GPR149: variants seen among roughly 807,000 people sequenced by gnomAD.
GPR149 encodes the protein G protein-coupled receptor 149, also known as probable G protein-coupled receptor 149.
Under a neutral mutation model 50.2 loss-of-function variants are expected in GPR149, and 50 were observed. The observed-to-expected ratio is 1.00, with a 90% CI of 0.79 to 1.26. GPR149 has a LOEUF of 1.26. GPR149 is among the 50% of genes most tolerant of loss of function. The pLI is 0.00. For synonymous variants in GPR149, 405 were observed against 358.2 expected, an observed-to-expected ratio of 1.13 and a Z score of -1.48; for missense variants, 983 against 895.4, an observed-to-expected ratio of 1.10 and a Z score of -1.25.
At chr3:154,425,739 G>T (rs186242029) in intron 2 of GPR149, among the ~76,000 whole-genome samples, 1 of 151,992 alleles carries the variant, frequency 6.6e-6, no homozygotes, top group Admixed American at 6.6e-5. Flanking sequence ...TTTTGATCTC[G>T]AAAGACATAT....
At chr3:154,347,688 A>G (rs2108387063) in intron 3 of GPR149, among the ~76,000 whole-genome samples, 1 of 152,378 alleles carries the variant, frequency 6.6e-6, no homozygotes, top group Non-Finnish European at 1.5e-5. Flanking sequence ...TGCCCAGGTA[A>G]TATAGGAAGG....
intron 3 of GPR149, among the ~76,000 whole-genome samples, chr3:154,411,935 A>G (rs1269501788): frequency 6.6e-6 from 1 of 152,140 alleles, no homozygotes; most frequent in Non-Finnish European, 1.5e-5. Context: ...GTGAACATAG[A>G]TGCAAAAATC....
intron 2 of GPR149, among the ~76,000 whole-genome samples, chr3:154,423,935 G>T (rs574909536): frequency 8.2e-4 from 125 of 151,842 alleles, no homozygotes; most frequent in African/African-American, 2.8e-3. Flanking sequence ...TGCCATGTTG[G>T]TGTGCTGCAC....
chr3:154,354,188 CTT>C, intron 3 of GPR149: 5 of 494,612 alleles, frequency 1.0e-5, no homozygotes, highest in South Asian at 4.8e-5. Flanking sequence ...AACATTTTCT[CTT>C]GTTTTTGATT....
rs1439597012 is a variant in GPR149 at position 154,374,127 on chromosome 3, C to A, written c.1624-35856G>T. Among the ~76,000 whole-genome samples, 6 of 135,634 alleles carry A rather than the reference C, an allele frequency of 4.4e-5. No individual in the cohort carries two copies. The East Asian group carries it at 1.3e-3, about 30-fold the overall frequency. 89.0% of individuals were successfully genotyped at this position (135,634 alleles called of 152,430 possible). ...TATATCTGAAGTGACCAACAAAAGT[C>A]TTTTTTTCCTTCTATTTTCTTTCTT... On this transcript the variant is annotated intron_variant, in intron 3 of 3. Coordinates refer to ENST00000389740, the MANE Select transcript of GPR149 (RefSeq NM_001038705.3).
intron 3 of GPR149, among the ~76,000 whole-genome samples, chr3:154,410,727 G>A (rs1711810801): frequency 1.3e-5 from 2 of 152,004 alleles, no homozygotes; most frequent in Non-Finnish European, 2.9e-5. Context: ...GAGATAGATG[G>A]CAGCACAATA....
intron 3 of GPR149, among the ~76,000 whole-genome samples, chr3:154,358,410 C>CT (rs1316017008): frequency 2.0e-5 from 3 of 152,148 alleles, no homozygotes; most frequent in African/African-American, 7.2e-5. Context: ...AATGAAATCA[C>CT]TTTTTTTCCT....
intron 3 of GPR149, chr3:154,352,092 G>T: frequency 1.7e-6 from 1 of 579,018 alleles, no homozygotes; most frequent in Non-Finnish European, 2.8e-6. Flanking sequence ...ACATAATTAG[G>T]CACAAATAGG....
chr3:154,414,515 A>G (rs1711932743), intron 3 of GPR149, among the ~76,000 whole-genome samples: 1 of 152,014 alleles, frequency 6.6e-6, no homozygotes, highest in African/African-American at 2.4e-5. Flanking sequence ...GATATGAAGC[A>G]TAATATCTTC....
intron 3 of GPR149, among the ~76,000 whole-genome samples, chr3:154,404,219 C>T (rs1711616440): frequency 6.6e-6 from 1 of 152,070 alleles, no homozygotes; most frequent in Non-Finnish European, 1.5e-5. Flanking sequence ...TTAATTGGAG[C>T]TATTTGTGTG....
chr3:154,361,112 C>G (rs1023046649), intron 3 of GPR149, among the ~76,000 whole-genome samples: 18 of 152,220 alleles, frequency 1.2e-4, no homozygotes, highest in South Asian at 6.2e-4. Flanking sequence ...TCCCACACAG[C>G]AGATACTAAA....
intron 3 of GPR149, among the ~76,000 whole-genome samples, chr3:154,358,138 TG>T (rs1714285772): frequency 6.9e-6 from 1 of 144,908 alleles, no homozygotes; most frequent in African/African-American, 2.6e-5. Flanking sequence ...TGGGGCCTGT[TG>T]TGGGGTGGGG....
At chr3:154,360,300 G>A (rs546172849) in intron 3 of GPR149, among the ~76,000 whole-genome samples, 1 of 152,202 alleles carries the variant, frequency 6.6e-6, no homozygotes, top group South Asian at 2.1e-4. Context: ...TTTCACCATG[G>A]TAACATTTTT....
At chr3:154,365,950 C>T (rs1714522045) in intron 3 of GPR149, among the ~76,000 whole-genome samples, 1 of 152,194 alleles carries the variant, frequency 6.6e-6, no homozygotes, top group South Asian at 2.1e-4. Flanking sequence ...TCACAGCAAT[C>T]TAGGCTTTTT....
At chr3:154,426,175 A>C (rs1490763977) in intron 2 of GPR149, among the ~76,000 whole-genome samples, 1 of 152,220 alleles carries the variant, frequency 6.6e-6, no homozygotes, top group Non-Finnish European at 1.5e-5. Context: ...CTTTAGAGAC[A>C]CATCATTATT....
chr3:154,419,463 G>A (rs1712078827), intron 3 of GPR149, among the ~76,000 whole-genome samples: 1 of 151,940 alleles, frequency 6.6e-6, no homozygotes, highest in African/African-American at 2.4e-5. Flanking sequence ...ATTGAGCTTA[G>A]TCATGTTAAA....
chr3:154,395,103 A>G (rs963754488), intron 3 of GPR149, among the ~76,000 whole-genome samples: 1 of 152,156 alleles, frequency 6.6e-6, no homozygotes, highest in African/African-American at 2.4e-5. Context: ...AAATATCAGA[A>G]GATTTTAGAA....
At position 154,390,199 on chromosome 3, in the gene GPR149, A is replaced by G. The variant is rs577547190; in HGVS notation, c.1623+30840T>C. Among the ~76,000 whole-genome samples, 57 of 152,312 alleles carry G rather than the reference A, an allele frequency of 3.7e-4. No individual in the cohort carries two copies. The South Asian group carries it at 0.011, about 29-fold the overall frequency. ...TAAACACAAAGAGTCGAGAATAAAG[A>G]AACAGGAAAATATGTTCCAAACAAA... On this transcript the variant is annotated intron_variant, in intron 3 of 3. Transcript: ENST00000389740.
intron 3 of GPR149, among the ~76,000 whole-genome samples, chr3:154,393,901 C>A (rs1345249884): frequency 6.6e-6 from 1 of 151,874 alleles, no homozygotes; most frequent in East Asian, 1.9e-4. Flanking sequence ...CTATAAACCA[C>A]TGACAAAAAA....
Sources: gnomAD v4.1 joint callset for allele counts (sites outside exome capture counted in the v4.1 genomes callset) on GRCh38, gnomAD v4.1.1 for gene constraint, MANE v1.5 for transcripts, NCBI Gene and HGNC (gene_info 2026-07-23, HGNC 2026-07-21) for gene names.